Variants in WDFY4 observed in about 807,000 individuals in gnomAD.
WDFY4 encodes the protein WD repeat- and FYVE domain-containing protein 4.
WDFY4 carries 169 observed loss-of-function variants against 351.9 expected under a neutral mutation model. That is an observed-to-expected ratio of 0.48 (90% CI 0.42 to 0.55). WDFY4 has a LOEUF of 0.55. Among genes scored for constraint, WDFY4 ranks in the 20% least tolerant of loss-of-function variants. The pLI is 0.00. For synonymous variants in WDFY4, 1,622 were observed against 1,574.6 expected, an observed-to-expected ratio of 1.03 and a Z score of -0.71; for missense variants, 3,803 against 3,935.6, an observed-to-expected ratio of 0.97 and a Z score of 0.90.
At chr10:48,738,201 TA>T (rs1413092857) in intron 11 of WDFY4, among the ~76,000 whole-genome samples, 2 of 152,182 alleles carry the variant, frequency 1.3e-5, no homozygotes, top group Non-Finnish European at 2.9e-5. Context: ...GCTTGAAGAG[TA>T]AAAGTATTTT....
At chr10:48,806,227 C>T in intron 27 of WDFY4, 132 bp downstream of exon 27, 1 of 827,302 alleles carries the variant, frequency 1.2e-6, no homozygotes, top group Non-Finnish European at 2.0e-6. Context: ...GGTTTCCAAG[C>T]CGTGGCCTGT....
chr10:48,734,086 C>T, intron 10 of WDFY4, 51 bp downstream of exon 10: 2 of 1,473,724 alleles, frequency 1.4e-6, no homozygotes, highest in South Asian at 1.2e-5. Context: ...AACATGAACT[C>T]TTTCCTGGTT....
chr10:48,934,221 T>C lies in WDFY4; in HGVS notation c.7587-7585T>C, dbSNP rs150065968. Among the ~76,000 whole-genome samples the C allele has an allele frequency of 9.2e-5, 14 of 152,344 alleles. No homozygotes were observed. In the East Asian group the frequency reaches 2.7e-3, roughly 29 times the overall value. On this transcript the variant is annotated intron_variant, in intron 47 of 61. Transcript: ENST00000325239. Reference sequence around the variant, plus strand: ...ACATAGCATCCGTGTTGTTGATAAATGTATGGAGAATTTATTATGTGCCCG... The same window carrying C: ...ACATAGCATCCGTGTTGTTGATAAACGTATGGAGAATTTATTATGTGCCCG...
chr10:48,848,582 C>T (rs1006288270), intron 39 of WDFY4, among the ~76,000 whole-genome samples: 4 of 152,160 alleles, frequency 2.6e-5, no homozygotes, highest in Admixed American at 2.0e-4. Context: ...AGGGGGTGAC[C>T]AGCTGTGGCG....
intron 31 of WDFY4, among the ~76,000 whole-genome samples, chr10:48,816,403 C>G (rs1007085599): frequency 4.6e-5 from 7 of 152,192 alleles, no homozygotes; most frequent in African/African-American, 1.4e-4. Context: ...TGTTAAAGCT[C>G]TCTTTGATTC....
At chr10:48,927,684 C>T (rs78812730) in intron 47 of WDFY4, among the ~76,000 whole-genome samples, 3,197 of 152,256 alleles carry the variant, frequency 0.021, 122 homozygotes, top group African/African-American at 0.073. Context: ...CCTGGAAAGC[C>T]GTTAGCTGTC....
chr10:48,950,858 C>T (rs1447392328), intron 51 of WDFY4, among the ~76,000 whole-genome samples: 2 of 152,212 alleles, frequency 1.3e-5, no homozygotes, highest in Admixed American at 6.5e-5. Context: ...GTGTGTGCAG[C>T]ATGGCCCCTG....
intron 39 of WDFY4, among the ~76,000 whole-genome samples, chr10:48,858,295 T>G (rs1160797360): frequency 6.6e-6 from 1 of 152,244 alleles, no homozygotes. Context: ...ATCTAAGAAC[T>G]CTTTGCTTAT....
At chr10:48,748,010 C>G (rs897145724) in intron 12 of WDFY4, among the ~76,000 whole-genome samples, 1 of 152,216 alleles carries the variant, frequency 6.6e-6, no homozygotes, top group African/African-American at 2.4e-5. Flanking sequence ...TTCCCAGGTC[C>G]TGATTTTCTT....
chr10:48,979,413 C>T (rs1481139393), intron 60 of WDFY4, among the ~76,000 whole-genome samples: 1 of 152,230 alleles, frequency 6.6e-6, no homozygotes. Context: ...GCTATACCTG[C>T]ATGAGACTGC....
chr10:48,946,104 A>G lies in WDFY4; in HGVS notation c.7814A>G (p.Lys2605Arg). 1 of 1,549,234 alleles carries G rather than the reference A, an allele frequency of 6.5e-7. No individual in the cohort carries two copies. The highest frequency in any genetic ancestry group is 8.7e-7 in the Non-Finnish European group (1 of 1,146,422). ...TCAAAGCCCATGGGGGCTCAGACCA[A>G]GGAAAGGAAGCTGAAATTTATCCAG... is the stretch of plus-strand genomic sequence containing the variant. ...DLSKPMGAQT[K>R]ERKLKFIQRF... The change falls in exon 50 of 62, where the codon AAG becomes AGG. Residue 2605 changes from lysine to arginine, a missense_variant. By Grantham distance (26) the Lys-to-Arg change is conservative. This residue lies in a region of WDFY4 where 3,054 missense variants were observed against 3,148.6 expected (regional missense o/e 0.97). Transcript: ENST00000325239.
intron 47 of WDFY4, among the ~76,000 whole-genome samples, chr10:48,940,551 G>A (rs570386134): frequency 9.8e-5 from 15 of 152,318 alleles, no homozygotes; most frequent in African/African-American, 3.4e-4. Context: ...AGCCCGGCAG[G>A]GTCCTGACAC....
intron 52 of WDFY4, among the ~76,000 whole-genome samples, chr10:48,958,345 C>A (rs1232817126): frequency 6.6e-6 from 1 of 152,174 alleles, no homozygotes; most frequent in African/African-American, 2.4e-5. Context: ...ATGGATCCCC[C>A]AAAGCGTGAG....
chr10:48,937,667 C>T lies in WDFY4; in HGVS notation c.7587-4139C>T, dbSNP rs537009633. ...TTAAGTGTTATTATTAGGTCTAGAA[C>T]TGTATGCAGATTTTCCACGTTAGGG... On this transcript the variant is annotated intron_variant, in intron 47 of 61. Transcript: ENST00000325239. 3.3e-5 allele frequency among the ~76,000 whole-genome samples: 5 copies of T among 152,314 alleles called. No homozygotes were observed. The East Asian group carries it at 9.6e-4, about 29-fold the overall frequency.
At chr10:48,868,858 CTG>C in intron 40 of WDFY4, among the ~76,000 whole-genome samples, 1 of 152,196 alleles carries the variant, frequency 6.6e-6, no homozygotes, top group East Asian at 1.9e-4. Flanking sequence ...CTGTTGAGAT[CTG>C]TGAGATTATA....
At chr10:48,778,335 A>C (rs1225431611) in intron 17 of WDFY4, among the ~76,000 whole-genome samples, 1 of 152,254 alleles carries the variant, frequency 6.6e-6, no homozygotes, top group Non-Finnish European at 1.5e-5. Flanking sequence ...TCCAAGGTTC[A>C]GCTGAGCTAG....
In WDFY4 at chr10:48,976,512, T is replaced by C. The variant is rs1316340574; in HGVS notation, c.9109-285T>C. 3 of 229,234 alleles carry C rather than the reference T, an allele frequency of 1.3e-5. No homozygotes were observed. In the South Asian group the frequency reaches 5.4e-4, roughly 41 times the overall value. 14.2% of individuals were successfully genotyped at this position (229,234 alleles called of 1,614,324 possible). ...ATCTTCTGTGGCAGTCAGGGTGTGG[T>C]TGGGGAGTGGGATCTGGGAGGAGCC... is the stretch of plus-strand genomic sequence containing the variant. On this transcript the variant is annotated intron_variant, in intron 58 of 61. Transcript: ENST00000325239.
intron 24 of WDFY4, 100 bp from the exon 25 acceptor site, chr10:48,803,186 G>A (rs531832035): frequency 2.0e-5 from 23 of 1,151,824 alleles, no homozygotes; most frequent in East Asian, 1.5e-4. Context: ...ATGATTCCAC[G>A]TCAGAGGATC....
chr10:48,859,171 G>A (rs1904600), intron 39 of WDFY4, among the ~76,000 whole-genome samples: 65,685 of 151,910 alleles, frequency 0.43, 15,425 homozygotes, highest in East Asian at 0.71. Context: ...TACAAATAGG[G>A]ACAATTTTAT....
Sources: allele counts gnomAD v4.1 joint callset (sites outside exome capture counted in the v4.1 genomes callset), GRCh38; gene constraint gnomAD v4.1.1; regional missense constraint gnomAD v4.1.1; transcripts MANE v1.5; gene names NCBI Gene and HGNC (gene_info 2026-07-23, HGNC 2026-07-21).